The following SH3KBP1 variants were observed in gnomAD, a reference collection of about 807,000 sequenced individuals.
SH3KBP1 encodes SH3 domain-containing kinase-binding protein 1.
Under a neutral mutation model 50.1 loss-of-function variants are expected in SH3KBP1, and 8 were observed. The observed-to-expected ratio is 0.16, with a 90% CI of 0.09 to 0.29. The LOEUF is 0.29. SH3KBP1 is among the 10% of genes least tolerant of loss of function. SH3KBP1 has a pLI of 1.00. For missense variants in SH3KBP1, 377 were observed against 535.2 expected, an observed-to-expected ratio of 0.70 and a Z score of 2.92; for synonymous variants, 227 against 218.6, an observed-to-expected ratio of 1.04 and a Z score of -0.34.
intron 1 of SH3KBP1, among the ~76,000 whole-genome samples, chrX:19,866,469 C>T (rs770966094): frequency 4.4e-4 from 49 of 110,329 alleles, no homozygotes; most frequent in Non-Finnish European, 7.8e-4. Context: ...TTTGGGAGGC[C>T]GAGATGCCAG....
chrX:19,589,862 G>A (rs928266535), intron 11 of SH3KBP1, among the ~76,000 whole-genome samples: 1 of 109,290 alleles, frequency 9.1e-6, no homozygotes, highest in Non-Finnish European at 1.9e-5. Flanking sequence ...GCTCACATCT[G>A]TAATCTCAGA....
chrX:19,582,472 A>T (rs1323215745), intron 12 of SH3KBP1, among the ~76,000 whole-genome samples: 1 of 111,876 alleles, frequency 8.9e-6, no homozygotes, highest in Non-Finnish European at 1.9e-5. Context: ...CTTCAGTTCT[A>T]TGACCTTCAT....
chrX:19,609,017 T>C (rs1330638688), intron 8 of SH3KBP1, among the ~76,000 whole-genome samples: 3 of 112,723 alleles, frequency 2.7e-5, no homozygotes, highest in Non-Finnish European at 3.7e-5. Context: ...TTATCAAGCA[T>C]CTACTTTGTT....
At chrX:19,869,121 G>C (rs932480608) in intron 1 of SH3KBP1, among the ~76,000 whole-genome samples, 7 of 111,502 alleles carry the variant, frequency 6.3e-5, no homozygotes, top group Non-Finnish European at 1.3e-4. Flanking sequence ...AGCTGCAAAA[G>C]GTAAGGAAAG....
chrX:19,722,533 T>G (rs2064085917), intron 3 of SH3KBP1, among the ~76,000 whole-genome samples: 1 of 64,264 alleles, frequency 1.6e-5, no homozygotes, highest in Non-Finnish European at 2.7e-5. Flanking sequence ...GCTGCACTGG[T>G]GTGTGTGTGT....
chrX:19,830,514 T>C (rs1257214828), intron 2 of SH3KBP1, among the ~76,000 whole-genome samples: 1 of 111,130 alleles, frequency 9.0e-6, no homozygotes, highest in Non-Finnish European at 1.9e-5. Context: ...CCCAACACTT[T>C]AGGAGGCCAA....
intron 4 of SH3KBP1, among the ~76,000 whole-genome samples, chrX:19,704,416 C>T (rs2063605748): frequency 8.9e-6 from 1 of 112,458 alleles, no homozygotes; most frequent in South Asian, 3.6e-4. Flanking sequence ...CTTGTCTTGA[C>T]TTGTGGTTTT....
chrX:19,754,049 A>G (rs2065142545), intron 2 of SH3KBP1, among the ~76,000 whole-genome samples: 1 of 112,492 alleles, frequency 8.9e-6, no homozygotes, highest in Non-Finnish European at 1.9e-5. Flanking sequence ...ATTTCAAGAA[A>G]TGTAACAGGT....
chrX:19,576,042 A>G (rs1485607603), intron 12 of SH3KBP1, among the ~76,000 whole-genome samples: 1 of 112,623 alleles, frequency 8.9e-6, no homozygotes, highest in Non-Finnish European at 1.9e-5. Flanking sequence ...GCTGTTAACT[A>G]AAAGGAGAAC....
chrX:19,825,453 T>A (rs1653496243), intron 2 of SH3KBP1, among the ~76,000 whole-genome samples: 1 of 112,103 alleles, frequency 8.9e-6, no homozygotes, highest in Non-Finnish European at 1.9e-5. Context: ...GTTGCAGAGC[T>A]GGTTGGCCTA....
At chrX:19,815,266 G>A (rs931424411) in intron 2 of SH3KBP1, among the ~76,000 whole-genome samples, 4 of 111,411 alleles carry the variant, frequency 3.6e-5, no homozygotes, top group African/African-American at 9.8e-5. Flanking sequence ...CTCCTTGGGC[G>A]ATACTTGTGT....
intron 3 of SH3KBP1, among the ~76,000 whole-genome samples, chrX:19,717,619 T>C (rs1416832028): frequency 9.0e-6 from 1 of 111,689 alleles, no homozygotes; most frequent in East Asian, 2.8e-4. Context: ...CCATCTGGAA[T>C]TGTTGATGCT....
At chrX:19,850,934 C>T (rs2068490836) in intron 1 of SH3KBP1, among the ~76,000 whole-genome samples, 2 of 110,269 alleles carry the variant, frequency 1.8e-5, no homozygotes, top group African/African-American at 6.6e-5. Context: ...GTTTGGGAAG[C>T]GCTGGCCCAT....
At chrX:19,785,655 G>T (rs970500841) in intron 2 of SH3KBP1, among the ~76,000 whole-genome samples, 20 of 111,699 alleles carry the variant, frequency 1.8e-4, no homozygotes, top group Non-Finnish European at 2.8e-4. Context: ...TTCTAAGAGG[G>T]GGCAAAAAGT....
chrX:19,775,324 T>C (rs1246902544), intron 2 of SH3KBP1, among the ~76,000 whole-genome samples: 1 of 112,212 alleles, frequency 8.9e-6, no homozygotes, highest in East Asian at 2.8e-4. Flanking sequence ...TCATCTCAAA[T>C]GTTCACTTGG....
At chrX:19,611,956 GAA>G (rs3036638) in intron 8 of SH3KBP1, among the ~76,000 whole-genome samples, 2 of 38,040 alleles carry the variant, frequency 5.3e-5, no homozygotes, top group African/African-American at 2.0e-4. Flanking sequence ...AGCAGAAGTA[GAA>G]AAAAAAAAAA....
chrX:19,844,263 T>C (rs1054256283), intron 1 of SH3KBP1, among the ~76,000 whole-genome samples: 1 of 111,447 alleles, frequency 9.0e-6, no homozygotes, highest in Admixed American at 9.6e-5. Context: ...CTGAGCACCC[T>C]CTCCTCCTCG....
chrX:19,660,472 T>C (rs2062418714), intron 6 of SH3KBP1, among the ~76,000 whole-genome samples: 1 of 111,280 alleles, frequency 9.0e-6, no homozygotes, highest in Non-Finnish European at 1.9e-5. Context: ...AGGAAAGCGA[T>C]AACTGAAAAA....
chrX:19,819,211 G>A (rs184061178), intron 2 of SH3KBP1, among the ~76,000 whole-genome samples: 167 of 111,856 alleles, frequency 1.5e-3, no homozygotes, highest in Non-Finnish European at 2.1e-3. Context: ...TTTAGTATTC[G>A]CTTATTGTCC....
Sources: allele counts gnomAD v4.1 joint callset (sites outside exome capture counted in the v4.1 genomes callset), GRCh38; gene constraint gnomAD v4.1.1; transcripts MANE v1.5; gene names NCBI Gene and HGNC (gene_info 2026-07-23, HGNC 2026-07-21).